The following CELF2 variants were observed in gnomAD, a reference collection of about 807,000 sequenced individuals.
The protein encoded by CELF2 is CUGBP Elav-like family member 2, also known as CUG triplet repeat RNA-binding protein 2.
A neutral mutation model predicts 62.6 loss-of-function variants in CELF2; 8 were observed. That is an observed-to-expected ratio of 0.13 (90% CI 0.07 to 0.23). The LOEUF (loss-of-function observed/expected upper bound fraction) is 0.23, where lower values mean the gene tolerates loss of function less well. CELF2 is among the 10% of genes least tolerant of loss of function. CELF2 has a pLI of 1.00. For missense variants in CELF2, 333 were observed against 671.0 expected, an observed-to-expected ratio of 0.50 and a Z score of 5.56; for synonymous variants, 258 against 250.0, an observed-to-expected ratio of 1.03 and a Z score of -0.30.
At chr10:10,480,727 A>C in the CELF2 span, among the ~76,000 whole-genome samples, 1 of 152,248 alleles carries the variant, frequency 6.6e-6, no homozygotes, top group Non-Finnish European at 1.5e-5. Flanking sequence ...AGTAAGACTG[A>C]AAATTGATAA....
intron 2 of CELF2, among the ~76,000 whole-genome samples, chr10:10,925,427 T>C (rs2065369812): frequency 1.3e-5 from 2 of 151,894 alleles, no homozygotes; most frequent in South Asian, 4.2e-4. Flanking sequence ...GTTGTCAGCT[T>C]GGCATACACT....
chr10:10,768,849 C>T, the CELF2 span, among the ~76,000 whole-genome samples: 15 of 152,250 alleles, frequency 9.9e-5, no homozygotes, highest in Non-Finnish European at 1.8e-4. Flanking sequence ...GCTGGGATTA[C>T]GGGCGTGAGC....
At chr10:10,687,177 C>T in the CELF2 span, among the ~76,000 whole-genome samples, 1 of 152,180 alleles carries the variant, frequency 6.6e-6, no homozygotes, top group African/African-American at 2.4e-5. Flanking sequence ...ATGCAAAGTG[C>T]TGATACAGTG....
At chr10:10,632,981 C>G in the CELF2 span, among the ~76,000 whole-genome samples, 5 of 152,126 alleles carry the variant, frequency 3.3e-5, no homozygotes, top group African/African-American at 1.2e-4. Flanking sequence ...TACAGAGATG[C>G]CTCATTTTTT....
intron 1 of CELF2, among the ~76,000 whole-genome samples, chr10:11,026,582 ATC>A (rs2059244792): frequency 6.6e-6 from 1 of 152,216 alleles, no homozygotes; most frequent in Non-Finnish European, 1.5e-5. Flanking sequence ...TCACTCCTGA[ATC>A]TCTGTACCCT....
At position 10,993,044 on chromosome 10, in the gene CELF2, G is replaced by A. The variant is rs2053597180; in HGVS notation, c.89+73045G>A. Among the ~76,000 whole-genome samples the A allele has an allele frequency of 6.6e-6, 1 of 152,104 alleles. No individual in the cohort carries two copies. The highest frequency in any genetic ancestry group is 2.4e-5 in the African/African-American group (1 of 41,422). On this transcript the variant is annotated intron_variant, in intron 2 of 13. Coordinates refer to the CELF2 transcript ENST00000636488. This position sits in a 1 kb window ranked among gnomAD's most constrained non-coding sequence, Gnocchi z 5.3. Reference sequence around the variant, plus strand: ...ACCTTGGTGAGACAGCTAAACACATGCCTGGCCCAGAATTCAGAGAAACTC... The same window carrying A: ...ACCTTGGTGAGACAGCTAAACACATACCTGGCCCAGAATTCAGAGAAACTC...
intron 2 of CELF2, among the ~76,000 whole-genome samples, chr10:10,985,045 A>T (rs997987656): frequency 3.3e-5 from 5 of 152,214 alleles, no homozygotes; most frequent in Non-Finnish European, 7.3e-5. Context: ...TGTTGCCCCA[A>T]CTTCCTTTCC....
intron 2 of CELF2, among the ~76,000 whole-genome samples, chr10:10,984,395 T>G (rs953780166): frequency 6.6e-6 from 1 of 152,252 alleles, no homozygotes; most frequent in Admixed American, 6.5e-5. Flanking sequence ...TTGGCTTATT[T>G]AACAATCTAC....
At chr10:11,176,913 G>A (rs2071393060) in intron 2 of CELF2, among the ~76,000 whole-genome samples, 1 of 152,138 alleles carries the variant, frequency 6.6e-6, no homozygotes, top group Non-Finnish European at 1.5e-5. Context: ...GTGTTCTGTG[G>A]CCAGTGGAGG....
At chr10:11,036,595 A>C (rs2060985183) in intron 1 of CELF2, among the ~76,000 whole-genome samples, 1 of 152,206 alleles carries the variant, frequency 6.6e-6, no homozygotes, top group Admixed American at 6.5e-5. Flanking sequence ...TAGATAAATA[A>C]ATGGGAATCA....
At chr10:10,851,424 A>T (rs1285132889) in intron 1 of CELF2, among the ~76,000 whole-genome samples, 1 of 152,202 alleles carries the variant, frequency 6.6e-6, no homozygotes, top group East Asian at 1.9e-4. Context: ...TTCTCACACC[A>T]TCTTTTAAAA....
the CELF2 span, among the ~76,000 whole-genome samples, chr10:10,731,748 A>G: frequency 6.6e-6 from 1 of 152,152 alleles, no homozygotes; most frequent in Non-Finnish European, 1.5e-5. Flanking sequence ...AACACCGCAA[A>G]CCTATAACCC....
At chr10:11,238,042 C>T (rs2072209756) in intron 3 of CELF2, among the ~76,000 whole-genome samples, 1 of 152,136 alleles carries the variant, frequency 6.6e-6, no homozygotes, top group East Asian at 1.9e-4. Flanking sequence ...TTGCATTGCT[C>T]AGTTGGGCAG....
the CELF2 span, among the ~76,000 whole-genome samples, chr10:10,643,836 G>C: frequency 2.0e-5 from 3 of 152,172 alleles, 1 homozygote; most frequent in East Asian, 5.8e-4. Flanking sequence ...ACAGTCTTAA[G>C]TGGCAATTTC....
intron 1 of CELF2, among the ~76,000 whole-genome samples, chr10:11,070,511 A>T (rs529086416): frequency 6.6e-6 from 1 of 152,218 alleles, no homozygotes; most frequent in Non-Finnish European, 1.5e-5. Context: ...TTGTGCATAC[A>T]GGACTGGGCC....
Position 11,284,580 on chromosome 10 carries a change from A to ATGGATGGTGGG in CELF2, c.842-3835_842-3825dup, listed in dbSNP as rs1406278649. On this transcript the variant is annotated intron_variant, in intron 8 of 12. Transcript: ENST00000633077. ...GGACGGAGGGGTGGGTGGATGATGG[A>ATGGATGGTGGG]TGGATGGTGGGTGAATGATGGATAG... Among the ~76,000 whole-genome samples the ATGGATGGTGGG allele has an allele frequency of 4.5e-3, 638 of 142,418 alleles. 5 individuals are homozygous for ATGGATGGTGGG. The highest frequency in any genetic ancestry group is 0.024 in the South Asian group (107 of 4,376). 93.4% of individuals were successfully genotyped at this position (142,418 alleles called of 152,430 possible).
At chr10:11,279,998 A>G (rs562210066) in intron 8 of CELF2, among the ~76,000 whole-genome samples, 2 of 152,174 alleles carry the variant, frequency 1.3e-5, no homozygotes, top group Admixed American at 1.3e-4. Context: ...CATGAAGTCA[A>G]ATGCAGTTTT....
At chr10:10,673,729 C>T in the CELF2 span, among the ~76,000 whole-genome samples, 1 of 152,134 alleles carries the variant, frequency 6.6e-6, no homozygotes, top group Non-Finnish European at 1.5e-5. Context: ...TTTTGATAAG[C>T]TGTGTTTTCA....
intron 1 of CELF2, among the ~76,000 whole-genome samples, chr10:10,918,913 A>G (rs772799562): frequency 3.9e-5 from 6 of 152,168 alleles, no homozygotes; most frequent in Non-Finnish European, 8.8e-5. Context: ...TTCAACCGAA[A>G]GCCTCCATCT....
Sources: allele counts gnomAD v4.1 joint callset (sites outside exome capture counted in the v4.1 genomes callset), GRCh38; gene constraint gnomAD v4.1.1; non-coding constraint Gnocchi (gnomAD v3.1); transcripts MANE v1.5; gene names NCBI Gene and HGNC (gene_info 2026-07-23, HGNC 2026-07-21).